Variants in KCNMB2 observed in about 807,000 individuals in gnomAD.
The protein encoded by KCNMB2 is potassium calcium-activated channel subfamily M regulatory beta subunit 2.
KCNMB2 carries 9 observed loss-of-function variants against 24.5 expected under a neutral mutation model. The observed-to-expected ratio is 0.37, with a 90% CI of 0.22 to 0.64. The LOEUF is 0.64. Ranked by LOEUF, KCNMB2 falls within the 30% of genes least tolerant of loss-of-function variation. The pLI, the probability that KCNMB2 is intolerant of heterozygous loss-of-function variation, is 0.63. For missense variants in KCNMB2, 226 were observed against 284.3 expected, an observed-to-expected ratio of 0.79 and a Z score of 1.47; for synonymous variants, 109 against 104.4, an observed-to-expected ratio of 1.04 and a Z score of -0.27.
At chr3:178,672,388 T>C (rs1052882473) in intron 1 of KCNMB2, among the ~76,000 whole-genome samples, 4 of 152,170 alleles carry the variant, frequency 2.6e-5, no homozygotes, top group African/African-American at 9.7e-5. Flanking sequence ...AACCTAGGTC[T>C]TTCAGACTTC....
chr3:178,767,287 G>A (rs1230597544), intron 1 of KCNMB2, among the ~76,000 whole-genome samples: 1 of 152,144 alleles, frequency 6.6e-6, no homozygotes, highest in Non-Finnish European at 1.5e-5. Context: ...AGTGAAACTA[G>A]AATGTGGTGA....
intron 1 of KCNMB2, among the ~76,000 whole-genome samples, chr3:178,580,063 CA>C (rs1232183342): frequency 6.6e-6 from 1 of 152,030 alleles, no homozygotes; most frequent in South Asian, 2.1e-4. Context: ...AGACACAAAA[CA>C]AAAAAAGAAA....
chr3:178,635,652 CCTT>C (rs1719495145), intron 1 of KCNMB2, among the ~76,000 whole-genome samples: 1 of 152,160 alleles, frequency 6.6e-6, no homozygotes, highest in African/African-American at 2.4e-5. Context: ...GTGTCATAGT[CCTT>C]CTTCATTCAG....
In KCNMB2 at chr3:178,734,268, T is replaced by C. The variant is rs961543094; in HGVS notation, c.-67-73075T>C. On this transcript the variant is annotated intron_variant, in intron 1 of 4. Coordinates refer to ENST00000452583, the MANE Select transcript of KCNMB2 (RefSeq NM_181361.3). ...GAAACAAAGCTTATGTTAGTACCTA[T>C]GTGTGAAGTTTTCCACTTGTGGCAT... is the stretch of plus-strand genomic sequence containing the variant. Among the ~76,000 whole-genome samples, 6 of 152,362 alleles carry C rather than the reference T, an allele frequency of 3.9e-5. No homozygotes were observed. In the East Asian group the frequency reaches 9.6e-4, roughly 24 times the overall value.
chr3:178,762,484 G>A (rs1478617656), intron 1 of KCNMB2, among the ~76,000 whole-genome samples: 1 of 152,174 alleles, frequency 6.6e-6, no homozygotes, highest in Non-Finnish European at 1.5e-5. Context: ...CAGATTTCAA[G>A]AGCAATGGAA....
intron 1 of KCNMB2, among the ~76,000 whole-genome samples, chr3:178,751,864 T>C (rs1723862900): frequency 6.6e-6 from 1 of 152,242 alleles, no homozygotes; most frequent in African/African-American, 2.4e-5. Context: ...GATCCTAATA[T>C]ATCCAGTGCT....
chr3:178,683,214 T>C (rs1486180397), intron 1 of KCNMB2, among the ~76,000 whole-genome samples: 1 of 152,030 alleles, frequency 6.6e-6, no homozygotes, highest in Non-Finnish European at 1.5e-5. Context: ...AGAAAATTAA[T>C]GCAGAAACAG....
chr3:178,717,132 C>T (rs1173851216), intron 1 of KCNMB2, among the ~76,000 whole-genome samples: 1 of 151,118 alleles, frequency 6.6e-6, no homozygotes, highest in East Asian at 1.9e-4. Context: ...CAAGATGTAT[C>T]CATATATAAA....
intron 1 of KCNMB2, among the ~76,000 whole-genome samples, chr3:178,753,768 A>G (rs1417020605): frequency 6.6e-6 from 1 of 152,122 alleles, no homozygotes. Flanking sequence ...CATATTCATT[A>G]CCTCACATAT....
chr3:178,661,440 T>C (rs1720526555), intron 1 of KCNMB2, among the ~76,000 whole-genome samples: 1 of 151,564 alleles, frequency 6.6e-6, no homozygotes, highest in Non-Finnish European at 1.5e-5. Context: ...AGTGCTGCAA[T>C]AAACATTTTT....
intron 1 of KCNMB2, among the ~76,000 whole-genome samples, chr3:178,657,016 C>T (rs754361436): frequency 6.6e-6 from 1 of 152,136 alleles, no homozygotes; most frequent in Non-Finnish European, 1.5e-5. Context: ...ACTATGCTGG[C>T]CCTCCGCCAC....
chr3:178,548,049 T>G (rs1715832500), intron 1 of KCNMB2, among the ~76,000 whole-genome samples: 1 of 152,218 alleles, frequency 6.6e-6, no homozygotes, highest in Admixed American at 6.5e-5. Flanking sequence ...CTGTCACTTT[T>G]CTCTTCACAG....
chr3:178,554,242 C>T (rs1716051040), intron 1 of KCNMB2, among the ~76,000 whole-genome samples: 1 of 152,120 alleles, frequency 6.6e-6, no homozygotes, highest in Admixed American at 6.5e-5. Flanking sequence ...ACTTTATCCC[C>T]ATCGCAATAA....
At chr3:178,785,021 G>A (rs1382469706) in intron 1 of KCNMB2, among the ~76,000 whole-genome samples, 4 of 151,800 alleles carry the variant, frequency 2.6e-5, no homozygotes, top group African/African-American at 9.7e-5. Flanking sequence ...TCAGGCTAAT[G>A]CTCTTAATTT....
chr3:178,787,678 A>G (rs772228924), intron 1 of KCNMB2, among the ~76,000 whole-genome samples: 2 of 151,972 alleles, frequency 1.3e-5, no homozygotes, highest in Admixed American at 6.6e-5. Context: ...CTCTCTCTCT[A>G]AATTTTGTGT....
At chr3:178,588,573 T>C (rs949568137) in intron 1 of KCNMB2, among the ~76,000 whole-genome samples, 1 of 152,162 alleles carries the variant, frequency 6.6e-6, no homozygotes, top group Non-Finnish European at 1.5e-5. Context: ...GACACACACA[T>C]ACATGCATAT....
chr3:178,712,644 T>G (rs760423198), intron 1 of KCNMB2, among the ~76,000 whole-genome samples: 1 of 152,166 alleles, frequency 6.6e-6, no homozygotes, highest in Non-Finnish European at 1.5e-5. Flanking sequence ...GCTGCTTTTA[T>G]TATCTTCACT....
intron 1 of KCNMB2, among the ~76,000 whole-genome samples, chr3:178,755,646 T>C (rs1724005259): frequency 6.6e-6 from 1 of 152,224 alleles, no homozygotes; most frequent in African/African-American, 2.4e-5. Context: ...GGCAAATTTT[T>C]GACATTTCCT....
intron 1 of KCNMB2, among the ~76,000 whole-genome samples, chr3:178,803,692 C>T (rs557138009): frequency 2.6e-5 from 4 of 152,080 alleles, no homozygotes; most frequent in South Asian, 4.2e-4. Context: ...AAGTAAGTAC[C>T]GAGAACTGGG....
Sources: gnomAD v4.1 joint callset for allele counts (sites outside exome capture counted in the v4.1 genomes callset) on GRCh38, gnomAD v4.1.1 for gene constraint, MANE v1.5 for transcripts, NCBI Gene and HGNC (gene_info 2026-07-23, HGNC 2026-07-21) for gene names.